The following GRIN2B variants were observed in gnomAD, a reference collection of about 807,000 sequenced individuals.
GRIN2B encodes the protein glutamate receptor ionotropic, NMDA 2B.
In GRIN2B, 5 loss-of-function variants were observed where a neutral mutation model predicts 114.5. The observed-to-expected ratio is 0.04, with a 90% CI of 0.02 to 0.09. The LOEUF (loss-of-function observed/expected upper bound fraction) is 0.09. GRIN2B is among the 10% of genes least tolerant of loss of function. The probability of loss-of-function intolerance (pLI) is 1.00; values close to 1 mark genes in which losing one functional copy is unlikely to be tolerated. For synonymous variants in GRIN2B, 787 were observed against 745.1 expected, an observed-to-expected ratio of 1.06 and a Z score of -0.92; for missense variants, 1,108 against 1,943.5, an observed-to-expected ratio of 0.57 and a Z score of 8.08.
chr12:13,736,423 G>C (rs896352880), intron 4 of GRIN2B, among the ~76,000 whole-genome samples: 2 of 152,140 alleles, frequency 1.3e-5, no homozygotes, highest in Non-Finnish European at 2.9e-5. Flanking sequence ...CAAGTGCAAG[G>C]AACATTAATA....
At chr12:13,924,051 G>C (rs1484673007) in intron 2 of GRIN2B, among the ~76,000 whole-genome samples, 1 of 152,130 alleles carries the variant, frequency 6.6e-6, no homozygotes, top group East Asian at 1.9e-4. Context: ...ATAAAAAACA[G>C]AGAATCTTAC....
intron 4 of GRIN2B, among the ~76,000 whole-genome samples, chr12:13,722,115 A>G (rs896267362): frequency 6.6e-6 from 1 of 152,156 alleles, no homozygotes; most frequent in Non-Finnish European, 1.5e-5. Flanking sequence ...ATGAATGGAC[A>G]TCTGAAAGAA....
intron 2 of GRIN2B, among the ~76,000 whole-genome samples, chr12:13,877,498 C>G (rs943355808): frequency 1.3e-5 from 2 of 152,170 alleles, no homozygotes; most frequent in Non-Finnish European, 2.9e-5. Flanking sequence ...AACTGAGCAC[C>G]TATTCGAAGC....
intron 5 of GRIN2B, among the ~76,000 whole-genome samples, chr12:13,648,429 C>G (rs1049690000): frequency 6.6e-6 from 1 of 151,942 alleles, no homozygotes; most frequent in African/African-American, 2.4e-5. Context: ...TGATGAAGGG[C>G]ACAGCTGGCA....
intron 3 of GRIN2B, among the ~76,000 whole-genome samples, chr12:13,809,524 T>C (rs1296489452): frequency 6.6e-6 from 1 of 152,224 alleles, no homozygotes; most frequent in African/African-American, 2.4e-5. Flanking sequence ...ATGGTTGTTA[T>C]GTGACTCAAA....
chr12:13,809,569 T>A (rs992936478), intron 3 of GRIN2B, among the ~76,000 whole-genome samples: 2 of 152,158 alleles, frequency 1.3e-5, no homozygotes, highest in African/African-American at 4.8e-5. Context: ...GAGAACCACT[T>A]GCCAAAGATA....
chr12:13,844,425 T>TC (rs1865436137), intron 3 of GRIN2B, among the ~76,000 whole-genome samples: 1 of 152,166 alleles, frequency 6.6e-6, no homozygotes, highest in Non-Finnish European at 1.5e-5. Context: ...TTAAGTAACT[T>TC]CTTCATCCTC....
chr12:13,779,077 C>A (rs1864057950), intron 3 of GRIN2B, among the ~76,000 whole-genome samples: 1 of 152,198 alleles, frequency 6.6e-6, no homozygotes, highest in African/African-American at 2.4e-5. Flanking sequence ...GAGACTGAGT[C>A]TTGTTCTGTC....
At chr12:13,954,682 C>T (rs1476180845) in intron 2 of GRIN2B, among the ~76,000 whole-genome samples, 1 of 151,432 alleles carries the variant, frequency 6.6e-6, no homozygotes, top group Non-Finnish European at 1.5e-5. Context: ...TGCGATGGTG[C>T]ACACCTGTAA....
At chr12:13,581,568 A>G (rs1005265094) in intron 10 of GRIN2B, among the ~76,000 whole-genome samples, 2 of 152,202 alleles carry the variant, frequency 1.3e-5, no homozygotes, top group Non-Finnish European at 2.9e-5. Context: ...CATGGCCCAT[A>G]AGTGCTTGGG....
intron 3 of GRIN2B, among the ~76,000 whole-genome samples, chr12:13,754,931 G>T (rs763115878): frequency 2.0e-5 from 3 of 152,194 alleles, no homozygotes; most frequent in East Asian, 1.9e-4. Context: ...ATCAAGTCCT[G>T]CATTTTCTCT....
At chr12:13,851,351 C>A (rs916317268) in intron 3 of GRIN2B, among the ~76,000 whole-genome samples, 5 of 152,056 alleles carry the variant, frequency 3.3e-5, no homozygotes, top group Non-Finnish European at 5.9e-5. Context: ...TTCTCCAACT[C>A]TTCTTTCTCC....
At chr12:13,798,947 C>G (rs1460182520) in intron 3 of GRIN2B, among the ~76,000 whole-genome samples, 1 of 152,216 alleles carries the variant, frequency 6.6e-6, no homozygotes, top group Non-Finnish European at 1.5e-5. Context: ...TTCCCACAAC[C>G]ACTAGTATTC....
In GRIN2B at chr12:13,552,899, T is replaced by TA. The variant is rs1427401748; in HGVS notation, c.*9883_*9884insT. 1 of 149,034 alleles carries TA rather than the reference T, an allele frequency of 6.7e-6. No homozygotes were observed. Among genetic ancestry groups the TA allele is most frequent in the Non-Finnish European group, 1.5e-5 (1 of 67,756 alleles). 9.2% of individuals were successfully genotyped at this position (149,034 alleles called of 1,614,324 possible). On this transcript the variant is annotated 3_prime_UTR_variant, in exon 14 of 14. Coordinates refer to ENST00000609686, the MANE Select transcript of GRIN2B (RefSeq NM_000834.5). The stretch of plus-strand genomic sequence containing the variant: ...TCAATGAAGAGTGGACTTTCTTCAC[T>TA]TTTTTTTTAAAAAAAGAGACTTGTC...
chr12:13,766,399 G>A (rs1863789538), intron 3 of GRIN2B, among the ~76,000 whole-genome samples: 2 of 152,140 alleles, frequency 1.3e-5, no homozygotes, highest in South Asian at 4.1e-4. Context: ...TCTCCCACTA[G>A]TTTTGTGCAG....
intron 5 of GRIN2B, among the ~76,000 whole-genome samples, chr12:13,617,576 T>C (rs3026179): frequency 0.076 from 11,586 of 152,290 alleles, 462 homozygotes; most frequent in Non-Finnish European, 0.089. Flanking sequence ...TCTCATTCTC[T>C]CTGTCTCATT....
At chr12:13,614,365 C>A (rs961284446) in intron 8 of GRIN2B, among the ~76,000 whole-genome samples, 3 of 152,194 alleles carry the variant, frequency 2.0e-5, no homozygotes, top group African/African-American at 7.2e-5. Flanking sequence ...CAAACCCAGT[C>A]TCCTTTCTGC....
At chr12:13,878,104 G>T (rs150609952) in intron 2 of GRIN2B, among the ~76,000 whole-genome samples, 1 of 148,526 alleles carries the variant, frequency 6.7e-6, no homozygotes. Flanking sequence ...TGTCTACTCC[G>T]CTCTGCGCTA....
chr12:13,687,082 C>A (rs1950179323), intron 4 of GRIN2B, among the ~76,000 whole-genome samples: 1 of 152,138 alleles, frequency 6.6e-6, no homozygotes, highest in Non-Finnish European at 1.5e-5. Flanking sequence ...CTGAGGCCCC[C>A]ATCAGAGGCA....
Sources: gnomAD v4.1 joint callset for allele counts (sites outside exome capture counted in the v4.1 genomes callset) on GRCh38, gnomAD v4.1.1 for gene constraint, MANE v1.5 for transcripts, NCBI Gene and HGNC (gene_info 2026-07-23, HGNC 2026-07-21) for gene names.